Variants in CYP46A1 observed in about 807,000 individuals in gnomAD.
CYP46A1 encodes the protein cholesterol 24-hydroxylase.
CYP46A1 carries 20 observed loss-of-function variants against 63.3 expected under a neutral mutation model. The observed-to-expected ratio is 0.32, with a 90% CI of 0.22 to 0.46. CYP46A1 has a LOEUF of 0.46. Ranked by LOEUF, CYP46A1 falls within the 20% of genes least tolerant of loss-of-function variation. The pLI is 1.00. For synonymous variants in CYP46A1, 268 were observed against 273.6 expected, an observed-to-expected ratio of 0.98 and a Z score of 0.20; for missense variants, 445 against 670.8, an observed-to-expected ratio of 0.66 and a Z score of 3.72.
At chr14:99,687,682 T>C (rs1338280230) in intron 1 of CYP46A1, among the ~76,000 whole-genome samples, 1 of 152,160 alleles carries the variant, frequency 6.6e-6, no homozygotes, top group East Asian at 1.9e-4. Flanking sequence ...AGGTTTTCTC[T>C]GCCCACAGGA....
chr14:99,709,313 A>G (rs1004003109), intron 7 of CYP46A1: 2 of 152,236 alleles, frequency 1.3e-5, no homozygotes, highest in Non-Finnish European at 2.9e-5. Context: ...AAAACAATTC[A>G]TCACCTGAAT....
Position 99,725,537 on chromosome 14 carries a change from C to A in CYP46A1, c.1265+58C>A. On this transcript the variant is annotated intron_variant, in intron 13 of 14. Transcript: ENST00000261835. This position sits in a 1 kb window ranked among gnomAD's most constrained non-coding sequence, Gnocchi z 4.2. ...GCTGGCGGGAGAAGGACAGACACAGCGGCCTCTGGTCTGAGCCAGAGGCAC... is the reference window on the plus strand; with the variant it reads ...GCTGGCGGGAGAAGGACAGACACAGAGGCCTCTGGTCTGAGCCAGAGGCAC... 7.4e-7 allele frequency: 1 copy of A among 1,354,112 alleles called. No individual in the cohort carries two copies. 83.9% of individuals were successfully genotyped at this position (1,354,112 alleles called of 1,614,324 possible). A position where few individuals can be genotyped will look rare whatever the true frequency, so the allele number is the denominator to read the frequency against.
chr14:99,717,406 G>A (rs1031229476), intron 9 of CYP46A1, among the ~76,000 whole-genome samples: 2 of 152,110 alleles, frequency 1.3e-5, no homozygotes, highest in African/African-American at 4.8e-5. Context: ...CACAGCCCGC[G>A]ATGCAGAGCT....
In CYP46A1 at chr14:99,722,573, A is replaced by C. The variant is rs1385421150; in HGVS notation, c.1176+507A>C. 6.6e-6 allele frequency among the ~76,000 whole-genome samples: 1 copy of C among 151,870 alleles called. No homozygotes were observed. Among genetic ancestry groups the C allele is most frequent in the Admixed American group, 6.6e-5 (1 of 15,222 alleles). On this transcript the variant is annotated intron_variant, in intron 12 of 14. Transcript: ENST00000261835. The surrounding 1 kb of genome is among the most constrained non-coding windows in gnomAD (Gnocchi z 4.6). ...CCCCTAAACCCACCCCCAAACCAGG[A>C]AACTAGGATATAGTCACTCCCTGCT... is the stretch of plus-strand genomic sequence containing the variant.
intron 12 of CYP46A1, among the ~76,000 whole-genome samples, chr14:99,724,091 A>C (rs2056873069): frequency 6.6e-6 from 1 of 152,126 alleles, no homozygotes; most frequent in Non-Finnish European, 1.5e-5. Flanking sequence ...TCTGTGTCCT[A>C]ATCTCCTCTT....
At chr14:99,692,659 A>G (rs1298579909) in intron 3 of CYP46A1, among the ~76,000 whole-genome samples, 2 of 151,916 alleles carry the variant, frequency 1.3e-5, no homozygotes, top group African/African-American at 2.4e-5. Flanking sequence ...GTGAAACCCT[A>G]TCTCTACTAA....
At chr14:99,707,776 A>G in intron 7 of CYP46A1, 98 bp downstream of exon 7, 3 of 1,036,116 alleles carry the variant, frequency 2.9e-6, no homozygotes, top group African/African-American at 1.6e-5. Context: ...TTTTCCCAGA[A>G]TGGGTTTTGA....
At chr14:99,702,512 G>A (rs1394516051) in intron 5 of CYP46A1, among the ~76,000 whole-genome samples, 2 of 151,992 alleles carry the variant, frequency 1.3e-5, no homozygotes, top group African/African-American at 4.8e-5. Flanking sequence ...TTTTAACATT[G>A]GAAAGAAGGT....
chr14:99,685,076 C>A (rs1474280185), intron 1 of CYP46A1, among the ~76,000 whole-genome samples: 6 of 47,586 alleles, frequency 1.3e-4, no homozygotes, highest in Non-Finnish European at 2.7e-4. Flanking sequence ...TTACACCCCC[C>A]TCAACTTGCC....
chr14:99,718,007 CAT>C (rs1566834895), intron 9 of CYP46A1, 45 bp from the exon 10 acceptor site: 1 of 1,480,016 alleles, frequency 6.8e-7, no homozygotes. Flanking sequence ...CTGTCTCCTT[CAT>C]CCTGTGGCCC....
At chr14:99,714,020 G>A (rs1342796049) in intron 7 of CYP46A1, among the ~76,000 whole-genome samples, 1 of 151,926 alleles carries the variant, frequency 6.6e-6, no homozygotes, top group East Asian at 1.9e-4. Context: ...CATCTGACAA[G>A]GAACACAACA....
chr14:99,725,347 G>A lies in CYP46A1; in HGVS notation c.1177-44G>A. 3.2e-6 allele frequency: 5 copies of A among 1,562,548 alleles called. No individual in the cohort carries two copies. The highest frequency in any genetic ancestry group is 3.5e-6 in the Non-Finnish European group (4 of 1,133,722). ...CCTCAGTGGCTCAAGAGGTGCCAGGGGAACAACCTGGGAACCAGAGATGAG... is the reference window on the plus strand; with the variant it reads ...CCTCAGTGGCTCAAGAGGTGCCAGGAGAACAACCTGGGAACCAGAGATGAG... On this transcript the variant is annotated intron_variant, in intron 12 of 14. Transcript: ENST00000261835. This position sits in a 1 kb window ranked among gnomAD's most constrained non-coding sequence, Gnocchi z 4.2.
chr14:99,716,337 A>G, intron 9 of CYP46A1, 138 bp downstream of exon 9: 1 of 819,256 alleles, frequency 1.2e-6, no homozygotes, highest in Non-Finnish European at 2.0e-6. Flanking sequence ...GCTGGGCTGA[A>G]GGGAGCAGAA....
intron 1 of CYP46A1, among the ~76,000 whole-genome samples, chr14:99,687,183 A>C (rs1413583996): frequency 6.6e-6 from 1 of 152,202 alleles, no homozygotes; most frequent in Non-Finnish European, 1.5e-5. Context: ...GTAACAGCTG[A>C]AAACTCAGAC....
rs1309866162 is a variant in CYP46A1, at chr14:99,691,264, C to T, written c.200+103C>T. The T allele has an allele frequency of 4.3e-6, 5 of 1,155,854 alleles. No individual in the cohort carries two copies. The East Asian group carries it at 1.2e-4, about 28-fold the overall frequency. 71.6% of individuals were successfully genotyped at this position (1,155,854 alleles called of 1,614,324 possible). On this transcript the variant is annotated intron_variant, in intron 2 of 14. Coordinates refer to ENST00000261835, the MANE Select transcript of CYP46A1 (RefSeq NM_006668.2). ...GACTCCCAGCCTCACCTTCCCCTAG[C>T]CCAGGTTACTCCCAGCCCCAGCAGT...
intron 10 of CYP46A1, among the ~76,000 whole-genome samples, chr14:99,719,830 C>T (rs1476474342): frequency 6.8e-6 from 1 of 147,066 alleles, no homozygotes; most frequent in Non-Finnish European, 1.5e-5. Context: ...GGCACAATCT[C>T]AGCTCACTGC....
At chr14:99,716,326 G>T (rs1053714180) in intron 9 of CYP46A1, 127 bp downstream of exon 9, 1 of 971,582 alleles carries the variant, frequency 1.0e-6, no homozygotes, top group Admixed American at 2.0e-5. Flanking sequence ...AGGGCTAGGG[G>T]GCTGGGCTGA....
chr14:99,725,714 A>G lies in CYP46A1; in HGVS notation c.1265+235A>G, dbSNP rs1330461808. The stretch of plus-strand genomic sequence containing the variant: ...AAGCTCATGCTCATAAGCAGCACCA[A>G]ATACTGGGAAGCTGGGTGACTTCAC... On this transcript the variant is annotated intron_variant, in intron 13 of 14. Transcript: ENST00000261835. This position sits in a 1 kb window ranked among gnomAD's most constrained non-coding sequence, Gnocchi z 4.2. Among the ~76,000 whole-genome samples, 2 of 152,196 alleles carry G rather than the reference A, an allele frequency of 1.3e-5. No individual in the cohort carries two copies. The highest frequency in any genetic ancestry group is 2.9e-5 in the Non-Finnish European group (2 of 68,036).
intron 3 of CYP46A1, among the ~76,000 whole-genome samples, chr14:99,697,860 G>A (rs2056599094): frequency 6.6e-6 from 1 of 152,132 alleles, no homozygotes. Context: ...CCCTGACTGA[G>A]GCTACTCTGC....
Sources: allele counts gnomAD v4.1 joint callset (sites outside exome capture counted in the v4.1 genomes callset), GRCh38; gene constraint gnomAD v4.1.1; non-coding constraint Gnocchi (gnomAD v3.1); transcripts MANE v1.5; gene names NCBI Gene and HGNC (gene_info 2026-07-23, HGNC 2026-07-21).